The following SGCD variants were observed in gnomAD, a reference collection of about 807,000 sequenced individuals.
The protein encoded by SGCD is sarcoglycan delta.
SGCD carries 18 observed loss-of-function variants against 36.6 expected under a neutral mutation model. That is an observed-to-expected ratio of 0.49 (90% CI 0.34 to 0.73). The LOEUF is 0.73. SGCD is among the 30% of genes least tolerant of loss of function. The pLI is 0.01. For missense variants in SGCD, 387 were observed against 346.7 expected (o/e 1.12, Z -0.92); for synonymous variants, 133 against 130.6 (o/e 1.02, Z -0.12).
intron 1 of SGCD, among the ~76,000 whole-genome samples, chr5:156,100,995 G>A (rs1451670927): frequency 6.6e-6 from 1 of 152,148 alleles, no homozygotes; most frequent in Non-Finnish European, 1.5e-5. Context: ...GGCCTGGAGA[G>A]TGGAGCCCTC....
At chr5:156,313,202 T>C (rs1369407997) in intron 3 of SGCD, among the ~76,000 whole-genome samples, 1 of 152,084 alleles carries the variant, frequency 6.6e-6, no homozygotes, top group Non-Finnish European at 1.5e-5. Context: ...GAGTTAATGA[T>C]TCACAGTGCT....
At chr5:155,996,709 G>T (rs1758552118) in intron 1 of SGCD, among the ~76,000 whole-genome samples, 1 of 151,204 alleles carries the variant, frequency 6.6e-6, no homozygotes, top group Non-Finnish European at 1.5e-5. Context: ...AACCTGGGAG[G>T]CAGAGGTTGC....
chr5:156,709,912 T>G (rs1754913761), intron 7 of SGCD, among the ~76,000 whole-genome samples: 1 of 142,700 alleles, frequency 7.0e-6, no homozygotes, highest in Admixed American at 7.1e-5. Context: ...ATACTGCATC[T>G]CTAAACTCCA....
At position 156,297,118 on chromosome 5, in the gene SGCD, C is replaced by T. The variant is rs1029928265; in HGVS notation, c.-43-32416C>T. Among the ~76,000 whole-genome samples the T allele has an allele frequency of 2.0e-5, 3 of 151,866 alleles. 1 individual carries two copies. The highest frequency in any genetic ancestry group is 4.4e-5 in the Non-Finnish European group (3 of 67,986). Reference sequence around the variant, plus strand: ...ACATCAGGGTAAATGGGGTATTCGTCACCTCAAGAATTTATCATTTATTCA... The same window carrying T: ...ACATCAGGGTAAATGGGGTATTCGTTACCTCAAGAATTTATCATTTATTCA... On this transcript the variant is annotated intron_variant, in intron 3 of 9. Coordinates refer to the SGCD transcript ENST00000517913.
At chr5:155,843,317 A>G in the SGCD span, among the ~76,000 whole-genome samples, 1 of 152,140 alleles carries the variant, frequency 6.6e-6, no homozygotes, top group African/African-American at 2.4e-5. Context: ...TTGATTGAGC[A>G]CTAGATAAAA....
rs572734662 is a variant in SGCD, at chr5:156,216,562, C to A, written c.-44+92543C>A. Among the ~76,000 whole-genome samples the A allele has an allele frequency of 5.6e-4, 86 of 152,268 alleles. 1 individual carries two copies. Among genetic ancestry groups the A allele is most frequent in the Non-Finnish European group, 1.1e-3 (76 of 68,012 alleles). On this transcript the variant is annotated intron_variant, in intron 3 of 9. Transcript: ENST00000517913. ...TTACCAGCTCTCTCTTATGTCACTACCCATGAGTCTCTTGAGTCCTGCATA... is the reference window on the plus strand; with the variant it reads ...TTACCAGCTCTCTCTTATGTCACTAACCATGAGTCTCTTGAGTCCTGCATA...
At chr5:156,473,027 C>A (rs1379619144) in intron 3 of SGCD, among the ~76,000 whole-genome samples, 1 of 152,134 alleles carries the variant, frequency 6.6e-6, no homozygotes, top group Non-Finnish European at 1.5e-5. Flanking sequence ...TGGTAGAATT[C>A]AAATGTTATC....
chr5:156,551,242 G>A (rs997775045), intron 4 of SGCD, among the ~76,000 whole-genome samples: 1 of 152,158 alleles, frequency 6.6e-6, no homozygotes, highest in Non-Finnish European at 1.5e-5. Flanking sequence ...CACAATTTCA[G>A]AACATCTTTT....
chr5:156,191,513 A>C (rs889930048), intron 3 of SGCD, among the ~76,000 whole-genome samples: 1 of 152,054 alleles, frequency 6.6e-6, no homozygotes, highest in Non-Finnish European at 1.5e-5. Context: ...GGTTTGTAGG[A>C]TGTTAATTGC....
At chr5:156,222,820 C>T (rs189416101) in intron 3 of SGCD, among the ~76,000 whole-genome samples, 1 of 152,112 alleles carries the variant, frequency 6.6e-6, no homozygotes, top group African/African-American at 2.4e-5. Context: ...TCACTAGAAA[C>T]TACTGGGCCT....
intron 1 of SGCD, among the ~76,000 whole-genome samples, chr5:156,072,172 T>G (rs937409998): frequency 6.7e-5 from 9 of 134,322 alleles, no homozygotes; most frequent in Admixed American, 1.4e-4. Context: ...ATCCTGTCAT[T>G]ATGATATTAG....
intron 3 of SGCD, among the ~76,000 whole-genome samples, chr5:156,503,896 A>G (rs940210674): frequency 3.3e-5 from 5 of 152,052 alleles, no homozygotes; most frequent in African/African-American, 1.2e-4. Context: ...GTGTTTCTAG[A>G]AGATTTTAGA....
At chr5:156,609,232 C>A (rs868172760) in intron 6 of SGCD, among the ~76,000 whole-genome samples, 7 of 152,042 alleles carry the variant, frequency 4.6e-5, no homozygotes, top group Non-Finnish European at 2.9e-5. Flanking sequence ...TGTTTTAGGG[C>A]AGGCCTGGTG....
chr5:156,668,275 C>G (rs1753138740), intron 7 of SGCD, among the ~76,000 whole-genome samples: 1 of 152,196 alleles, frequency 6.6e-6, no homozygotes, highest in African/African-American at 2.4e-5. Context: ...CTAGTTAACC[C>G]AAATATTTAT....
chr5:155,864,981 T>G, the SGCD span, among the ~76,000 whole-genome samples: 1 of 152,182 alleles, frequency 6.6e-6, no homozygotes, highest in African/African-American at 2.4e-5. Context: ...AAAACAACTC[T>G]GTAACAACAA....
At chr5:155,857,465 T>A in the SGCD span, among the ~76,000 whole-genome samples, 1 of 152,224 alleles carries the variant, frequency 6.6e-6, no homozygotes, top group Non-Finnish European at 1.5e-5. Flanking sequence ...GAAAGGAGTA[T>A]ACTACTGATG....
the SGCD span, among the ~76,000 whole-genome samples, chr5:155,797,041 A>G: frequency 1.3e-5 from 2 of 152,146 alleles, no homozygotes; most frequent in Admixed American, 6.5e-5. Context: ...AAACACCAAT[A>G]CTACGAATAA....
chr5:155,965,272 T>C (rs6885363), intron 1 of SGCD, among the ~76,000 whole-genome samples: 2,549 of 152,214 alleles, frequency 0.017, 63 homozygotes, highest in African/African-American at 0.057. Context: ...CCATCAACCA[T>C]ACGTCTTAAA....
chr5:156,013,687 A>G (rs1379502110), intron 1 of SGCD, among the ~76,000 whole-genome samples: 1 of 151,936 alleles, frequency 6.6e-6, no homozygotes, highest in Non-Finnish European at 1.5e-5. Flanking sequence ...TTTTATATTG[A>G]GAGTGTTTGC....
Sources: allele counts gnomAD v4.1 joint callset (sites outside exome capture counted in the v4.1 genomes callset), GRCh38; gene constraint gnomAD v4.1.1; transcripts MANE v1.5; gene names NCBI Gene and HGNC (gene_info 2026-07-23, HGNC 2026-07-21).